CPXM2: variants seen among roughly 807,000 people sequenced by gnomAD.
CPXM2 encodes the protein carboxypeptidase X, M14 family member 2, also known as inactive carboxypeptidase-like protein X2.
In CPXM2, 66 loss-of-function variants were observed where a neutral mutation model predicts 86.1. The ratio of observed to expected loss-of-function variants is 0.77; its 90% CI spans 0.63 to 0.94. The LOEUF is 0.94. CPXM2 is among the 40% of genes least tolerant of loss of function. The probability of loss-of-function intolerance (pLI) is 0.00; values close to 1 mark genes in which losing one functional copy is unlikely to be tolerated. For synonymous variants in CPXM2, 388 were observed against 400.2 expected (o/e 0.97, Z 0.36); for missense variants, 948 against 1,026.3 (o/e 0.92, Z 1.04).
chr10:123,891,372 C>A lies in CPXM2; in HGVS notation c.288G>T (p.Pro96=). Residue 96 remains proline (P), a synonymous_variant, in exon 1 of 14, where the codon CCG becomes CCT. Coordinates refer to ENST00000241305, the MANE Select transcript of CPXM2 (RefSeq NM_198148.3). This position sits in a 1 kb window ranked among gnomAD's most constrained non-coding sequence, Gnocchi z 5.6. ...KKAPKREKSA[P]EPPPPGKHSN... is the part of the protein sequence containing the mutation. ...GTTCCTTACCTGGTGGAGGCGGCTC[C>A]GGAGCCGACTTCTCCCTCTTGGGAG... is the stretch of plus-strand genomic sequence containing the variant. 1 of 1,556,526 alleles carries A rather than the reference C, an allele frequency of 6.4e-7. No homozygotes were observed. The highest frequency in any genetic ancestry group is 2.4e-5 in the East Asian group (1 of 40,898).
chr10:123,772,702 G>A (rs534316368), intron 7 of CPXM2, among the ~76,000 whole-genome samples: 2 of 152,184 alleles, frequency 1.3e-5, no homozygotes, highest in African/African-American at 4.8e-5. Context: ...TCCTGATTGT[G>A]GTTAACACCT....
At chr10:123,837,726 A>G (rs550587501) in intron 4 of CPXM2, among the ~76,000 whole-genome samples, 22 of 152,342 alleles carry the variant, frequency 1.4e-4, no homozygotes, top group East Asian at 1.9e-4. Context: ...TAATGATATT[A>G]AATAATTTAT....
chr10:123,860,435 T>G (rs1848825429), intron 3 of CPXM2, among the ~76,000 whole-genome samples: 1 of 152,180 alleles, frequency 6.6e-6, no homozygotes, highest in African/African-American at 2.4e-5. Flanking sequence ...ACACCCTGCG[T>G]GGCACTCTGC....
At chr10:123,777,904 G>C (rs1258638458) in intron 7 of CPXM2, among the ~76,000 whole-genome samples, 1 of 152,234 alleles carries the variant, frequency 6.6e-6, no homozygotes, top group Non-Finnish European at 1.5e-5. Flanking sequence ...CCAAGTGAGG[G>C]AGACAGGCAA....
chr10:123,839,455 C>A (rs1848341699), intron 4 of CPXM2, among the ~76,000 whole-genome samples: 1 of 152,116 alleles, frequency 6.6e-6, no homozygotes, highest in African/African-American at 2.4e-5. Context: ...GATACCCGTT[C>A]ATTAAAGAGT....
At position 123,757,212 on chromosome 10, in the gene CPXM2, C is replaced by A. The variant is rs769161344; in HGVS notation, c.1917+1G>T. 28 of 1,613,898 alleles carry A rather than the reference C, an allele frequency of 1.7e-5. No homozygotes were observed. The highest frequency in any genetic ancestry group is 2.3e-5 in the Non-Finnish European group (27 of 1,179,818). On this transcript the variant is annotated splice_donor_variant, in intron 12 of 13. Coordinates refer to ENST00000241305, the MANE Select transcript of CPXM2 (RefSeq NM_198148.3). LOFTEE classifies it high-confidence loss of function. ...ATCCCAGCCACACACCCGCAATATACCTGCTCCATGAACACGATCAGAGAT... is the reference window on the plus strand; with the variant it reads ...ATCCCAGCCACACACCCGCAATATAACTGCTCCATGAACACGATCAGAGAT...
At chr10:123,770,682 T>C (rs1409539965) in intron 8 of CPXM2, among the ~76,000 whole-genome samples, 1 of 152,220 alleles carries the variant, frequency 6.6e-6, no homozygotes, top group Non-Finnish European at 1.5e-5. Context: ...GAATGAAATA[T>C]GCTCCATTTG....
Position 123,880,296 on chromosome 10 carries a change from G to A in CPXM2, c.318C>T (p.Asn106=), listed in dbSNP as rs1233757446. 6.5e-7 allele frequency: 1 copy of A among 1,546,350 alleles called. No individual in the cohort carries two copies. Among genetic ancestry groups the A allele is most frequent in the South Asian group, 1.1e-5 (1 of 89,754 alleles). Residue 106 remains asparagine (N), a synonymous_variant, in exon 2 of 14, where the codon AAC becomes AAT. Transcript: ENST00000241305. ...PEPPPPGKHS[N]KKVMRTKSSE... ...AGCTCTTGGTTCTCATAACTTTTTT[G>A]TTGCTGTGTTTACCTAAAGGGGGAG...
intron 4 of CPXM2, among the ~76,000 whole-genome samples, chr10:123,810,439 T>C (rs1305004633): frequency 1.3e-5 from 2 of 152,028 alleles, no homozygotes; most frequent in Admixed American, 1.3e-4. Context: ...AGTTAGAGAA[T>C]ATTCATTTCT....
intron 1 of CPXM2, among the ~76,000 whole-genome samples, chr10:123,889,061 G>A (rs1429390160): frequency 1.3e-5 from 2 of 152,176 alleles, no homozygotes. Flanking sequence ...GCAAATTCAG[G>A]TTACACTCTG....
chr10:123,890,345 T>C (rs936538500), intron 1 of CPXM2, among the ~76,000 whole-genome samples: 1 of 152,232 alleles, frequency 6.6e-6, no homozygotes, highest in African/African-American at 2.4e-5. Flanking sequence ...GGTGCTCATA[T>C]AGGTCCACCC....
chr10:123,871,383 A>G (rs2134213458), intron 2 of CPXM2, among the ~76,000 whole-genome samples: 1 of 152,172 alleles, frequency 6.6e-6, no homozygotes, highest in East Asian at 1.9e-4. Flanking sequence ...GATAATCTCT[A>G]TGTCTGCATC....
intron 4 of CPXM2, among the ~76,000 whole-genome samples, chr10:123,812,959 CTTAATACCTTACACATA>C (rs1847727114): frequency 6.6e-6 from 1 of 152,148 alleles, no homozygotes; most frequent in African/African-American, 2.4e-5. Context: ...TATTGTAACG[CTTAATACCTTACACATA>C]TATTATATCC....
At chr10:123,799,709 G>A (rs539975326) in intron 4 of CPXM2, among the ~76,000 whole-genome samples, 28 of 152,186 alleles carry the variant, frequency 1.8e-4, no homozygotes, top group Admixed American at 1.0e-3. Flanking sequence ...GAGATACTGA[G>A]TTTCTCCTTG....
intron 1 of CPXM2, among the ~76,000 whole-genome samples, chr10:123,889,584 A>G (rs1945234077): frequency 6.6e-6 from 1 of 152,198 alleles, no homozygotes; most frequent in Admixed American, 6.5e-5. Context: ...TGAAAGGTTC[A>G]CAGGAAGACC....
intron 6 of CPXM2, among the ~76,000 whole-genome samples, chr10:123,797,668 C>T (rs561807783): frequency 1.6e-3 from 249 of 152,274 alleles, no homozygotes; most frequent in Non-Finnish European, 2.8e-3. Context: ...AAGTGATCCT[C>T]CTGCCTCAGC....
chr10:123,888,566 G>A lies in CPXM2; in HGVS notation c.304+2790C>T, dbSNP rs148215565. ...CCACGAGCAGCATATAGATCAAGCC[G>A]CTACTTAAAGTAGAAAAAAAATAAT... is the stretch of plus-strand genomic sequence containing the variant. On this transcript the variant is annotated intron_variant, in intron 1 of 13. Coordinates refer to ENST00000241305, the MANE Select transcript of CPXM2 (RefSeq NM_198148.3). Among the ~76,000 whole-genome samples, 13 of 152,238 alleles carry A rather than the reference G, an allele frequency of 8.5e-5. No individual in the cohort carries two copies. In the East Asian group the frequency reaches 1.7e-3, roughly 20 times the overall value.
intron 10 of CPXM2, among the ~76,000 whole-genome samples, chr10:123,762,504 C>T (rs1589971206): frequency 6.6e-6 from 1 of 152,026 alleles, no homozygotes; most frequent in South Asian, 2.1e-4. Context: ...TAAAAGAGTG[C>T]CTTTATTTTT....
chr10:123,909,534 A>G (rs1329601912), intron 2 of CPXM2, among the ~76,000 whole-genome samples: 1 of 152,174 alleles, frequency 6.6e-6, no homozygotes, highest in Non-Finnish European at 1.5e-5. Context: ...ATTGGGTTCT[A>G]ATTGTGTTCA....
Sources: gnomAD v4.1 joint callset for allele counts (sites outside exome capture counted in the v4.1 genomes callset) on GRCh38, gnomAD v4.1.1 for gene constraint, Gnocchi (gnomAD v3.1) non-coding constraint, MANE v1.5 for transcripts, NCBI Gene and HGNC (gene_info 2026-07-23, HGNC 2026-07-21) for gene names.